The following NOS2 variants were observed in gnomAD, a reference collection of about 807,000 sequenced individuals.
NOS2 encodes nitric oxide synthase 2.
Under a neutral mutation model 136.0 loss-of-function variants are expected in NOS2, and 96 were observed. The ratio of observed to expected loss-of-function variants is 0.71; its 90% CI spans 0.60 to 0.84. The LOEUF is 0.84. Among genes scored for constraint, NOS2 ranks in the 40% least tolerant of loss-of-function variants. The probability of loss-of-function intolerance (pLI) is 0.00; values close to 1 mark genes in which losing one functional copy is unlikely to be tolerated. For synonymous variants in NOS2, 539 were observed against 587.5 expected, an observed-to-expected ratio of 0.92 and a Z score of 1.20; for missense variants, 1,237 against 1,496.9, an observed-to-expected ratio of 0.83 and a Z score of 2.87.
Position 27,774,357 on chromosome 17 carries a change from G to A in NOS2, c.1376C>T (p.Ala459Val), listed in dbSNP as rs773610222. ...GGGAGGGACCAGCCAAATCCAGTCT[G>A]CCGGGCAGCCCCCACGGGACCGGTA... ...NEYRSRGGCP[A>V]DWIWLVPPMS... Residue 459 changes from alanine (A) to valine (V), a missense_variant, in exon 12 of 27, where the codon GCA (alanine) becomes GTA (valine). Around this residue, in one of 3 missense-constraint regions of NOS2, gnomAD observed 782 missense variants for 909.9 expected, o/e 0.86. Coordinates refer to ENST00000313735, the MANE Select transcript of NOS2 (RefSeq NM_000625.4). 6.3e-7 allele frequency: 1 copy of A among 1,583,960 alleles called. No individual in the cohort carries two copies.
chr17:27,783,056 A>G lies in NOS2; in HGVS notation c.518T>C (p.Ile173Thr). Residue 173 changes from isoleucine (I) to threonine (T), a missense_variant, in exon 6 of 27, where the codon ATA becomes ACA. Ile to Thr is a moderately conservative substitution (Grantham distance 89). Around this residue, in one of 3 missense-constraint regions of NOS2, gnomAD observed 440 missense variants for 545.4 expected, o/e 0.81. Transcript: ENST00000313735. Reference sequence around the variant, plus strand: ...CAGTTGGTAGGTTCCTGTTGTTTCTATCTCCTTTGTTACCGCTTCCACCCT... The same window carrying G: ...CAGTTGGTAGGTTCCTGTTGTTTCTGTCTCCTTTGTTACCGCTTCCACCCT... ...LARVEAVTKEIETTGTYQLTG... is the reference protein window; with the variant it reads ...LARVEAVTKETETTGTYQLTG... 1.9e-6 allele frequency: 3 copies of G among 1,614,120 alleles called. No homozygotes were observed. The highest frequency in any genetic ancestry group is 1.1e-5 in the South Asian group (1 of 91,070).
Position 27,762,847 on chromosome 17 carries a change from C to T in NOS2, c.2751G>A (p.Thr917=), listed in dbSNP as rs375654023. ...FYSISSSRDH[T]PTEIHLTVAV... ...CCACAGTCAGGTGGATCTCTGTGGG[C>T]GTGTGATCCCGGGAGGAGCTGATGG... Residue 917 remains threonine (T), a synonymous_variant, in exon 22 of 27, where the codon ACG becomes ACA. Transcript: ENST00000313735. The T allele has an allele frequency of 7.0e-6, 11 of 1,565,366 alleles. No individual in the cohort carries two copies. The highest frequency in any genetic ancestry group is 4.7e-5 in the South Asian group (4 of 84,770).
At chr17:27,757,876 C>T (rs190298950) in intron 26 of NOS2, among the ~76,000 whole-genome samples, 6 of 152,324 alleles carry the variant, frequency 3.9e-5, no homozygotes, top group Admixed American at 2.6e-4. Context: ...GCCAGCTTAA[C>T]TCCCACCCCC....
At chr17:27,772,535 G>T in intron 13 of NOS2, 83 bp from the exon 14 acceptor site, 1 of 1,527,438 alleles carries the variant, frequency 6.5e-7, no homozygotes, top group Non-Finnish European at 9.0e-7. Context: ...AATGGGAGGG[G>T]ACAGCGTTTA....
chr17:27,760,618 C>T lies in NOS2; in HGVS notation c.3010+5G>A, dbSNP rs1307886234. On this transcript the variant is annotated splice_donor_5th_base_variant and intron_variant, in intron 24 of 26. Coordinates refer to ENST00000313735, the MANE Select transcript of NOS2 (RefSeq NM_000625.4). ...CCCTCCCACCTGGGAAGCCTCCAGCCTTACCCTTGTGCTGGGAGTCATGGA... is the reference window on the plus strand; with the variant it reads ...CCCTCCCACCTGGGAAGCCTCCAGCTTTACCCTTGTGCTGGGAGTCATGGA... The T allele has an allele frequency of 1.3e-6, 2 of 1,553,126 alleles. No homozygotes were observed. The highest frequency in any genetic ancestry group is 2.7e-5 in the African/African-American group (2 of 73,250).
rs373734816 is a variant in NOS2, at chr17:27,783,796, T to C, written c.468-690A>G. ...AGGACTCAGACCCAGGTCGCCCTGA[T>C]GCCAAGCCCAGGTTCTTAACTGTCA... On this transcript the variant is annotated intron_variant, in intron 5 of 26. Transcript: ENST00000313735. 4.1e-4 allele frequency among the ~76,000 whole-genome samples: 63 copies of C among 152,348 alleles called. No homozygotes were observed. In the South Asian group the frequency reaches 0.012, roughly 28 times the overall value.
chr17:27,763,728 T>C (rs2297510), intron 21 of NOS2, among the ~76,000 whole-genome samples: 101,772 of 151,150 alleles, frequency 0.67, 34,632 homozygotes, highest in South Asian at 0.83. Flanking sequence ...GGCTCCCCTT[T>C]CTAGCTAATG....
intron 15 of NOS2, among the ~76,000 whole-genome samples, chr17:27,770,227 C>T (rs927866345): frequency 2.0e-5 from 3 of 152,190 alleles, no homozygotes; most frequent in African/African-American, 7.2e-5. Flanking sequence ...CGCCTATAAT[C>T]CCAGCACTTT....
At position 27,762,793 on chromosome 17, in the gene NOS2, C is replaced by T. The variant is rs2151325317; in HGVS notation, c.2800+5G>A. On this transcript the variant is annotated splice_donor_5th_base_variant and intron_variant, in intron 22 of 26. Transcript: ENST00000313735. ...GCTGTTCCAGAGCCTCTGCCCCTGG[C>T]TCACCTCGGGTGTGGTAGGTGACCA... The T allele has an allele frequency of 6.5e-7, 1 of 1,543,182 alleles. No individual in the cohort carries two copies. Among genetic ancestry groups the T allele is most frequent in the Non-Finnish European group, 8.7e-7 (1 of 1,143,332 alleles).
chr17:27,780,978 C>T, intron 8 of NOS2, 58 bp downstream of exon 8: 1 of 1,600,718 alleles, frequency 6.2e-7, no homozygotes, highest in Non-Finnish European at 8.5e-7. Flanking sequence ...CACTCTGTCA[C>T]TCGCTCACCA....
At chr17:27,767,109 C>A (rs567862313) in intron 18 of NOS2, among the ~76,000 whole-genome samples, 1 of 151,908 alleles carries the variant, frequency 6.6e-6, no homozygotes, top group Admixed American at 6.6e-5. Flanking sequence ...AATGGAAAGT[C>A]CCGGGACATC....
intron 2 of NOS2, among the ~76,000 whole-genome samples, chr17:27,796,610 T>C (rs879267963): frequency 6.6e-6 from 1 of 152,030 alleles, no homozygotes; most frequent in Non-Finnish European, 1.5e-5. Context: ...TTGGGTAGGG[T>C]GCTCGCTCAG....
In NOS2 at chr17:27,778,725, C is replaced by T. The variant is rs758469611; in HGVS notation, c.1246G>A (p.Val416Ile). ...TGGAGCACAGCAATGTTGATCTCAA[C>T]GACAGCCTGGTCTTTCCAGAGCGAG... The part of the protein sequence containing the change: ...LASLWKDQAV[V>I]EINIAVLHSF... The change falls in exon 11 of 27, where the codon GTT becomes ATT. Residue 416 changes from valine to isoleucine, a missense_variant. Coordinates refer to ENST00000313735, the MANE Select transcript of NOS2 (RefSeq NM_000625.4). 6.2e-6 allele frequency: 10 copies of T among 1,614,204 alleles called. No individual in the cohort carries two copies. The highest frequency in any genetic ancestry group is 2.2e-5 in the South Asian group (2 of 91,086).
At chr17:27,772,111 A>G (rs899603700) in intron 14 of NOS2, among the ~76,000 whole-genome samples, 197 bp downstream of exon 14, 20 of 152,228 alleles carry the variant, frequency 1.3e-4, no homozygotes, top group African/African-American at 3.9e-4. Flanking sequence ...TGTTCTCCAG[A>G]ACACCATGAA....
chr17:27,789,188 C>T (rs565083052), intron 3 of NOS2, among the ~76,000 whole-genome samples: 50 of 152,274 alleles, frequency 3.3e-4, no homozygotes, highest in African/African-American at 1.2e-3. Context: ...GTAGGAGGGA[C>T]TAAAGACTAA....
rs201492456 is a variant in NOS2 at position 27,759,055 on chromosome 17, C to T, written c.3180G>A (p.Leu1060=). The T allele has an allele frequency of 1.2e-6, 2 of 1,602,866 alleles. No homozygotes were observed. Among genetic ancestry groups the T allele is most frequent in the African/African-American group, 1.3e-5 (1 of 74,568 alleles). The change falls in exon 26 of 27, where the codon CTG becomes CTA. Residue 1060 remains leucine, a synonymous_variant. Transcript: ENST00000313735. ...GKPKVYVQDI[L]RQQLASEVLR... is the part of the protein sequence containing the mutation. ...GCACCTCGCTGGCCAGCTGCTGCCG[C>T]AGGATGTCCTGAACATAGACCTGAA...
At chr17:27,797,021 C>T (rs576530182) in intron 2 of NOS2, among the ~76,000 whole-genome samples, 8 of 152,160 alleles carry the variant, frequency 5.3e-5, no homozygotes, top group Non-Finnish European at 1.2e-4. Context: ...TCCAAATCTC[C>T]TACCCTGCAT....
At position 27,762,803 on chromosome 17, in the gene NOS2, G is replaced by A. The variant is rs1908172929; in HGVS notation, c.2795C>T (p.Thr932Ile). 2 of 1,548,148 alleles carry A rather than the reference G, an allele frequency of 1.3e-6. No homozygotes were observed. The highest frequency in any genetic ancestry group is 4.8e-5 in the East Asian group (2 of 41,246). Residue 932 changes from threonine to isoleucine, a missense_variant, in exon 22 of 27, where the codon ACC (threonine) becomes ATC (isoleucine). Transcript: ENST00000313735. ...AGCCTCTGCCCCTGGCTCACCTCGG[G>A]TGTGGTAGGTGACCACGGCCACAGT... ...HLTVAVVTYH[T>I]RDGQGPLHHG...
rs28944189 is a variant in NOS2 at position 27,762,727 on chromosome 17, T to C, written c.2800+71A>G. ...TCCTTGAACTGATGAGGGAGCTGAA[T>C]CTGAGTTGATGAACAGATGTCCAAT... On this transcript the variant is annotated intron_variant, in intron 22 of 26. Coordinates refer to ENST00000313735, the MANE Select transcript of NOS2 (RefSeq NM_000625.4). 7.9e-6 allele frequency: 9 copies of C among 1,134,468 alleles called. No homozygotes were observed. In the African/African-American group the frequency reaches 1.4e-4, roughly 18 times the overall value. 70.3% of individuals were successfully genotyped at this position (1,134,468 alleles called of 1,614,324 possible). A position where few individuals can be genotyped will look rare whatever the true frequency, so the allele number is the denominator to read the frequency against.
Sources: gnomAD v4.1 joint callset for allele counts (sites outside exome capture counted in the v4.1 genomes callset) on GRCh38, gnomAD v4.1.1 for gene constraint, gnomAD v4.1.1 regional missense constraint, MANE v1.5 for transcripts, NCBI Gene and HGNC (gene_info 2026-07-23, HGNC 2026-07-21) for gene names.